The following FHIP1A variants were observed in gnomAD, a reference collection of about 807,000 sequenced individuals.
The protein encoded by FHIP1A is FHF complex subunit HOOK-interacting protein 1A.
A neutral mutation model predicts 88.6 loss-of-function variants in FHIP1A; 61 were observed. The ratio of observed to expected loss-of-function variants is 0.69; its 90% CI spans 0.56 to 0.85. The LOEUF is 0.85. FHIP1A is among the 40% of genes least tolerant of loss of function. The probability of loss-of-function intolerance (pLI) is 0.00; values close to 1 mark genes in which losing one functional copy is unlikely to be tolerated. For synonymous variants in FHIP1A, 478 were observed against 496.0 expected (o/e 0.96, Z 0.48); for missense variants, 1,154 against 1,273.5 (o/e 0.91, Z 1.43).
chr4:151,560,535 C>T (rs1733133220), intron 3 of FHIP1A, among the ~76,000 whole-genome samples: 1 of 152,102 alleles, frequency 6.6e-6, no homozygotes, highest in Non-Finnish European at 1.5e-5. Context: ...CCCTATAGAA[C>T]TTGTCAGATC....
chr4:151,418,121 A>C (rs1732964323), intron 1 of FHIP1A, among the ~76,000 whole-genome samples: 2 of 147,508 alleles, frequency 1.4e-5, no homozygotes, highest in South Asian at 4.5e-4. Context: ...GCAGTGACAC[A>C]GGATGATGTC....
intron 7 of FHIP1A, among the ~76,000 whole-genome samples, chr4:151,624,324 A>G (rs1191934892): frequency 6.6e-6 from 1 of 152,174 alleles, no homozygotes; most frequent in African/African-American, 2.4e-5. Context: ...CTCAGTGAGG[A>G]AGCCACATGG....
At chr4:151,603,889 G>A (rs771590315) in intron 7 of FHIP1A, among the ~76,000 whole-genome samples, 2 of 152,068 alleles carry the variant, frequency 1.3e-5, no homozygotes, top group Admixed American at 1.3e-4. Context: ...CTTGACCAGG[G>A]TTAGTTTTCA....
chr4:151,597,553 C>G (rs769603515), intron 7 of FHIP1A, among the ~76,000 whole-genome samples: 1 of 152,172 alleles, frequency 6.6e-6, no homozygotes, highest in Non-Finnish European at 1.5e-5. Context: ...AGAACTCGAG[C>G]GCTGTGCTGG....
rs145937338 is a variant in FHIP1A at position 151,642,805 on chromosome 4, G to T, written c.1227-3753G>T. On this transcript the variant is annotated intron_variant, in intron 9 of 13. Coordinates refer to ENST00000435205, the MANE Select transcript of FHIP1A (RefSeq NM_001109977.3). ...CGATATCCAAGAAAATAAGAAACAGGCCCAGGGTTATAAAGGGTTGGGGAA... is the reference window on the plus strand; with the variant it reads ...CGATATCCAAGAAAATAAGAAACAGTCCCAGGGTTATAAAGGGTTGGGGAA... 4.5e-3 allele frequency among the ~76,000 whole-genome samples: 684 copies of T among 151,818 alleles called. 3 individuals are homozygous for T. Among genetic ancestry groups the T allele is most frequent in the South Asian group, 0.016 (79 of 4,794 alleles).
At chr4:151,545,281 A>G (rs1425170555) in intron 3 of FHIP1A, among the ~76,000 whole-genome samples, 1 of 152,116 alleles carries the variant, frequency 6.6e-6, no homozygotes, top group African/African-American at 2.4e-5. Context: ...AGTAGTTTCA[A>G]GGCAGAACAT....
At chr4:151,653,360 C>G (rs991316242) in intron 11 of FHIP1A, among the ~76,000 whole-genome samples, 15 of 151,630 alleles carry the variant, frequency 9.9e-5, no homozygotes, top group Middle Eastern at 3.4e-3. Context: ...GTGTGTGTCT[C>G]TCTCTCTCTC....
chr4:151,647,507 T>C (rs1286079333), intron 10 of FHIP1A, among the ~76,000 whole-genome samples: 1 of 152,200 alleles, frequency 6.6e-6, no homozygotes, highest in Non-Finnish European at 1.5e-5. Context: ...TGTCATTCTG[T>C]CCACCCAGCT....
At chr4:151,514,723 C>T (rs919916409) in intron 3 of FHIP1A, among the ~76,000 whole-genome samples, 23 of 151,904 alleles carry the variant, frequency 1.5e-4, no homozygotes, top group East Asian at 5.8e-4. Flanking sequence ...ATAAATTCCT[C>T]GACACATACA....
intron 7 of FHIP1A, among the ~76,000 whole-genome samples, chr4:151,597,550 G>A (rs1734697638): frequency 6.6e-6 from 1 of 152,194 alleles, no homozygotes. Context: ...GGCAGAACTC[G>A]AGCGCTGTGC....
chr4:151,651,158 C>A (rs1411039133), intron 11 of FHIP1A, among the ~76,000 whole-genome samples: 2 of 152,096 alleles, frequency 1.3e-5, no homozygotes, highest in Non-Finnish European at 2.9e-5. Flanking sequence ...AAATCTTTAT[C>A]CAAAAATAAG....
chr4:151,567,012 TA>T (rs1160695044), intron 4 of FHIP1A, among the ~76,000 whole-genome samples: 1 of 152,196 alleles, frequency 6.6e-6, no homozygotes, highest in Admixed American at 6.5e-5. Context: ...CTGTGTAATT[TA>T]ATGAAAAACG....
intron 4 of FHIP1A, chr4:151,576,782 A>G (rs1257679174): frequency 1.3e-5 from 2 of 152,124 alleles, no homozygotes; most frequent in Admixed American, 6.6e-5. Context: ...CTGTTGCTGC[A>G]TGTTTGGTTG....
At chr4:151,424,855 C>T (rs554126624) in intron 1 of FHIP1A, among the ~76,000 whole-genome samples, 2 of 150,458 alleles carry the variant, frequency 1.3e-5, no homozygotes, top group South Asian at 4.2e-4. Flanking sequence ...ATAGATGATT[C>T]AGATAAAATC....
At chr4:151,549,389 G>A (rs188708193) in intron 3 of FHIP1A, among the ~76,000 whole-genome samples, 8 of 151,976 alleles carry the variant, frequency 5.3e-5, no homozygotes, top group Admixed American at 5.2e-4. Context: ...ACATTGGGAG[G>A]CTGAGGCTGG....
chr4:151,526,520 C>G (rs1467140794), intron 3 of FHIP1A, among the ~76,000 whole-genome samples: 1 of 86,110 alleles, frequency 1.2e-5, no homozygotes, highest in Non-Finnish European at 2.6e-5. Flanking sequence ...ACGGGGCGGC[C>G]GGCCAGGCAG....
intron 3 of FHIP1A, among the ~76,000 whole-genome samples, chr4:151,555,717 A>C (rs1440967287): frequency 6.6e-6 from 1 of 152,174 alleles, no homozygotes; most frequent in Non-Finnish European, 1.5e-5. Flanking sequence ...AGTTTAACCC[A>C]TGATTCAGAG....
At chr4:151,654,530 T>C (rs1737157284) in intron 11 of FHIP1A, among the ~76,000 whole-genome samples, 1 of 152,218 alleles carries the variant, frequency 6.6e-6, no homozygotes. Context: ...TTAATTCACC[T>C]GCTTTTGCTC....
intron 2 of FHIP1A, among the ~76,000 whole-genome samples, chr4:151,482,230 T>G (rs1729920505): frequency 6.6e-6 from 1 of 152,138 alleles, no homozygotes; most frequent in Admixed American, 6.5e-5. Flanking sequence ...TTTCACACTT[T>G]TTTTCACTCC....
Sources: gnomAD v4.1 joint callset for allele counts (sites outside exome capture counted in the v4.1 genomes callset) on GRCh38, gnomAD v4.1.1 for gene constraint, MANE v1.5 for transcripts, NCBI Gene and HGNC (gene_info 2026-07-23, HGNC 2026-07-21) for gene names.